PPP2R2D: variants seen among roughly 807,000 people sequenced by gnomAD.
PPP2R2D encodes the protein serine/threonine-protein phosphatase 2A 55 kDa regulatory subunit B delta isoform.
PPP2R2D carries 9 observed loss-of-function variants against 31.1 expected under a neutral mutation model. The ratio of observed to expected loss-of-function variants is 0.29; its 90% CI spans 0.17 to 0.51. The LOEUF (loss-of-function observed/expected upper bound fraction) is 0.51, where lower values mean the gene tolerates loss of function less well. PPP2R2D is among the 20% of genes least tolerant of loss of function. The pLI, the probability that PPP2R2D is intolerant of heterozygous loss-of-function variation, is 0.98. For missense variants in PPP2R2D, 391 were observed against 465.6 expected (o/e 0.84, Z 1.48); for synonymous variants, 179 against 172.6 (o/e 1.04, Z -0.29).
At chr10:131,970,258 G>A in the PPP2R2D span, 12 of 228,066 alleles carry the variant, frequency 5.3e-5, no homozygotes, top group Non-Finnish European at 8.6e-5. This position sits in a 1 kb window ranked among gnomAD's most constrained non-coding sequence, Gnocchi z 4.1. Context: ...AGTACAGCAG[G>A]TAACTGAGAC....
intron 8 of PPP2R2D, among the ~76,000 whole-genome samples, chr10:131,952,021 G>C (rs545735830): frequency 2.0e-4 from 31 of 151,622 alleles, no homozygotes; most frequent in Admixed American, 5.9e-4. Flanking sequence ...GCAGTGACTT[G>C]CGGGTGTGCA....
At chr10:131,949,554 G>A (rs2036602916) in intron 8 of PPP2R2D, among the ~76,000 whole-genome samples, 1 of 152,140 alleles carries the variant, frequency 6.6e-6, no homozygotes, top group Admixed American at 6.5e-5. Flanking sequence ...CAGAACCACA[G>A]CAGAACTGAA....
intron 8 of PPP2R2D, 44 bp from the exon 9 acceptor site, chr10:131,955,640 T>TC (rs782069814): frequency 3.7e-6 from 5 of 1,357,092 alleles, no homozygotes; most frequent in Non-Finnish European, 4.8e-6. Flanking sequence ...TTGCTGCCGC[T>TC]CCCCCCACTG....
chr10:131,969,891 A>AT, the PPP2R2D span: 1 of 152,442 alleles, frequency 6.6e-6, no homozygotes, highest in East Asian at 1.9e-4. Context: ...GTGAGTGAGT[A>AT]TAAGCAGCCA....
intron 2 of PPP2R2D, among the ~76,000 whole-genome samples, chr10:131,933,147 G>C (rs996912427): frequency 6.6e-6 from 1 of 152,164 alleles, no homozygotes; most frequent in African/African-American, 2.4e-5. Flanking sequence ...TGAAGATTTT[G>C]AAAAGAAAGA....
Position 131,955,846 on chromosome 10 carries a change from T to G in PPP2R2D, c.1245T>G (p.Ser415Arg), listed in dbSNP as rs1554899845. The G allele has an allele frequency of 6.2e-7, 1 of 1,610,520 alleles. No individual in the cohort carries two copies. Among genetic ancestry groups the G allele is most frequent in the Non-Finnish European group, 8.5e-7 (1 of 1,178,226 alleles). Reference sequence around the variant, plus strand: ...GTAAGCGGAGGAAAGACGAGATCAGTGTGGACAGTCTGGACTTCAACAAGA... The same window carrying G: ...GTAAGCGGAGGAAAGACGAGATCAGGGTGGACAGTCTGGACTTCAACAAGA... ...TGGKRRKDEI[S>R]VDSLDFNKKI... The change falls in exon 9 of 9, where the codon AGT (serine) becomes AGG (arginine). Residue 415 changes from serine (S) to arginine (R), a missense_variant. Physicochemically the swap from Ser to Arg is moderately radical, Grantham distance 110. Transcript: ENST00000455566.
intron 2 of PPP2R2D, among the ~76,000 whole-genome samples, chr10:131,930,982 T>G (rs548918212): frequency 6.6e-6 from 1 of 152,354 alleles, no homozygotes; most frequent in Admixed American, 6.5e-5. Context: ...TCTCCTCCTC[T>G]TTCCTTCTTT....
chr10:131,902,750 C>G (rs2035520827), intron 2 of PPP2R2D, among the ~76,000 whole-genome samples: 1 of 152,128 alleles, frequency 6.6e-6, no homozygotes, highest in African/African-American at 2.4e-5. Flanking sequence ...TCTGTTAACT[C>G]TTTATTTTGT....
chr10:131,936,921 G>T (rs533620080), intron 3 of PPP2R2D, among the ~76,000 whole-genome samples: 1 of 152,368 alleles, frequency 6.6e-6, no homozygotes, highest in African/African-American at 2.4e-5. Context: ...CTTCCCTGTG[G>T]ACTTGAGTGT....
chr10:131,933,187 C>T (rs1382577233), intron 2 of PPP2R2D, among the ~76,000 whole-genome samples: 2 of 152,172 alleles, frequency 1.3e-5, no homozygotes, highest in Non-Finnish European at 2.9e-5. Flanking sequence ...CCGTGTGAGG[C>T]CAGCGAACAG....
At chr10:131,909,396 G>T (rs1008546575) in intron 2 of PPP2R2D, among the ~76,000 whole-genome samples, 1 of 149,692 alleles carries the variant, frequency 6.7e-6, no homozygotes, top group African/African-American at 2.4e-5. Context: ...TGGTGGGTAA[G>T]AATGGAGATA....
chr10:131,917,783 T>TTTGC (rs1361254247), intron 2 of PPP2R2D, among the ~76,000 whole-genome samples: 10 of 118,006 alleles, frequency 8.5e-5, no homozygotes, highest in Admixed American at 2.5e-4. Context: ...TGACACAGTG[T>TTTGC]AGGGACCTCA....
chr10:131,941,789 A>G (rs1417730820), intron 5 of PPP2R2D, among the ~76,000 whole-genome samples: 1 of 152,108 alleles, frequency 6.6e-6, no homozygotes, highest in Non-Finnish European at 1.5e-5. Context: ...GGGTGGCTAC[A>G]CCTGGGGTTG....
chr10:131,935,823 G>T (rs138382085), intron 3 of PPP2R2D, among the ~76,000 whole-genome samples: 2,291 of 152,150 alleles, frequency 0.015, 63 homozygotes, highest in African/African-American at 0.053. Context: ...CAGCAATTTG[G>T]GAGGCCGAGG....
chr10:131,917,202 T>C (rs1176619047), intron 2 of PPP2R2D, among the ~76,000 whole-genome samples: 3 of 117,100 alleles, frequency 2.6e-5, no homozygotes, highest in Non-Finnish European at 3.5e-5. Context: ...CTCAGGTGGG[T>C]GGAATGACAC....
At chr10:131,905,350 G>T (rs1351385182) in intron 2 of PPP2R2D, among the ~76,000 whole-genome samples, 3 of 152,162 alleles carry the variant, frequency 2.0e-5, no homozygotes. Context: ...GTTAACTGTT[G>T]TGCAGATTTT....
At chr10:131,909,758 A>G (rs1480823569) in intron 2 of PPP2R2D, among the ~76,000 whole-genome samples, 3 of 152,260 alleles carry the variant, frequency 2.0e-5, no homozygotes, top group African/African-American at 7.2e-5. Context: ...TTGAGGATCC[A>G]GAGAGCCTTT....
chr10:131,935,837 G>A (rs2036329695), intron 3 of PPP2R2D, among the ~76,000 whole-genome samples: 2 of 152,132 alleles, frequency 1.3e-5, no homozygotes, highest in Non-Finnish European at 2.9e-5. Context: ...GCCGAGGTGG[G>A]CTGATCACCT....
chr10:131,904,882 G>C (rs925953477), intron 2 of PPP2R2D, among the ~76,000 whole-genome samples: 19 of 152,160 alleles, frequency 1.2e-4, no homozygotes, highest in Non-Finnish European at 2.5e-4. Context: ...TTTTTGTTTT[G>C]ATTTCTGTTT....
Sources: gnomAD v4.1 joint callset for allele counts (sites outside exome capture counted in the v4.1 genomes callset) on GRCh38, gnomAD v4.1.1 for gene constraint, Gnocchi (gnomAD v3.1) non-coding constraint, MANE v1.5 for transcripts, NCBI Gene and HGNC (gene_info 2026-07-23, HGNC 2026-07-21) for gene names.